Variants in POLR3A observed in about 807,000 individuals in gnomAD.
POLR3A encodes DNA-directed RNA polymerase III subunit RPC1.
In POLR3A, 112 loss-of-function variants were observed where a neutral mutation model predicts 152.8. That is an observed-to-expected ratio of 0.73 (90% CI 0.63 to 0.86). POLR3A has a LOEUF of 0.86. Among genes scored for constraint, POLR3A ranks in the 40% least tolerant of loss-of-function variants. POLR3A has a pLI of 0.00. For missense variants in POLR3A, 1,385 were observed against 1,743.1 expected (o/e 0.79, Z 3.66); for synonymous variants, 615 against 652.1 (o/e 0.94, Z 0.87).
chr10:77,985,807 A>G (rs1330499270), intron 23 of POLR3A, 96 bp downstream of exon 23: 2 of 908,522 alleles, frequency 2.2e-6, no homozygotes, highest in Non-Finnish European at 3.7e-6. Context: ...GCAGTTAACA[A>G]GTGAGCTGGT....
chr10:77,977,708 C>T, intron 30 of POLR3A, 82 bp from the exon 31 acceptor site: 1 of 1,240,248 alleles, frequency 8.1e-7, no homozygotes, highest in Non-Finnish European at 1.2e-6. Context: ...GCTTAAGTGT[C>T]AGAAAATTAG....
At chr10:78,018,000 C>T (rs572835750) in intron 9 of POLR3A, among the ~76,000 whole-genome samples, 5 of 151,728 alleles carry the variant, frequency 3.3e-5, no homozygotes, top group African/African-American at 9.7e-5. Flanking sequence ...ATGGTGAGAC[C>T]TTGTCTCTAC....
rs373777793 is a variant in POLR3A, at chr10:77,985,854, C to T, written c.3071+49G>A. ...TACACATGGGGAAACAGAAGGGATACGTGAGACCTATGTGGATGACCGTCA... is the reference window on the plus strand; with the variant it reads ...TACACATGGGGAAACAGAAGGGATATGTGAGACCTATGTGGATGACCGTCA... On this transcript the variant is annotated intron_variant, in intron 23 of 30. Transcript: ENST00000372371. 58 of 1,350,176 alleles carry T rather than the reference C, an allele frequency of 4.3e-5. No individual in the cohort carries two copies. In the African/African-American group the frequency reaches 5.0e-4, roughly 12 times the overall value. 83.6% of individuals were successfully genotyped at this position (1,350,176 alleles called of 1,614,324 possible). A position where few individuals can be genotyped will look rare whatever the true frequency, so the allele number is the denominator to read the frequency against.
At position 78,007,789 on chromosome 10, in the gene POLR3A, T is replaced by A; in HGVS notation, c.1987A>T (p.Ile663Phe). 6.2e-7 allele frequency: 1 copy of A among 1,613,986 alleles called. No individual in the cohort carries two copies. The highest frequency in any genetic ancestry group is 8.5e-7 in the Non-Finnish European group (1 of 1,179,916). Residue 663 changes from isoleucine (I) to phenylalanine (F), a missense_variant, in exon 15 of 31, where the codon ATT (isoleucine) becomes TTT (phenylalanine). By Grantham distance (21) the Ile-to-Phe change is conservative. Around this residue, in one of 7 missense-constraint regions of POLR3A, gnomAD observed 188 missense variants for 179.9 expected, o/e 1.04. Coordinates refer to ENST00000372371, the MANE Select transcript of POLR3A (RefSeq NM_007055.4). ...GTLGSGSKNN[I>F]FYILLRDWGQ... ...CAGTCTCGCAGCAAAATGTAAAAAA[T>A]ATTGTTCTTGGATCCTGACCCTAGG...
At chr10:77,985,034 C>T (rs1847183966) in intron 24 of POLR3A, 136 bp downstream of exon 24, 7 of 819,456 alleles carry the variant, frequency 8.5e-6, no homozygotes, top group Non-Finnish European at 1.5e-5. Context: ...ATAGGATTAA[C>T]ACAGCAAGCA....
intron 14 of POLR3A, 131 bp downstream of exon 14, chr10:78,009,406 A>C: frequency 7.8e-7 from 1 of 1,287,020 alleles, no homozygotes; most frequent in East Asian, 2.3e-5. Context: ...CCTGAAGAAA[A>C]AACTTTCCAC....
At position 78,002,155 on chromosome 10, in the gene POLR3A, C is replaced by A. The variant is rs377628501; in HGVS notation, c.2359+42G>T. The A allele has an allele frequency of 4.8e-6, 6 of 1,249,210 alleles. No homozygotes were observed. In the East Asian group the frequency reaches 7.5e-5, roughly 16 times the overall value. The allele number at this position is 1,249,210 out of a possible 1,614,324, so 77.4% of individuals were successfully genotyped here. A position where few individuals can be genotyped will look rare whatever the true frequency, so the allele number is the denominator to read the frequency against. On this transcript the variant is annotated intron_variant, in intron 17 of 30. Coordinates refer to ENST00000372371, the MANE Select transcript of POLR3A (RefSeq NM_007055.4). ...ATTTTCTGGAGCCAAACAGCCTGTA[C>A]GGAGAACACACTGCCAGCAGGTGAG... is the stretch of plus-strand genomic sequence containing the variant.
intron 19 of POLR3A, among the ~76,000 whole-genome samples, chr10:77,994,265 A>G (rs759226706): frequency 6.6e-6 from 1 of 152,198 alleles, no homozygotes; most frequent in Non-Finnish European, 1.5e-5. Context: ...AGGAGAGATG[A>G]TGGAAATAGG....
At chr10:77,987,043 G>A (rs1442032959) in intron 21 of POLR3A, among the ~76,000 whole-genome samples, 1 of 152,186 alleles carries the variant, frequency 6.6e-6, no homozygotes, top group Non-Finnish European at 1.5e-5. Context: ...CCTAAAGCCA[G>A]GATCAGCCAG....
intron 14 of POLR3A, 95 bp from the exon 15 acceptor site, chr10:78,007,961 C>T: frequency 1.1e-6 from 1 of 871,798 alleles, no homozygotes; most frequent in South Asian, 1.3e-5. Context: ...TGTTCCCATA[C>T]TGACACTTAA....
intron 5 of POLR3A, among the ~76,000 whole-genome samples, chr10:78,022,978 C>T (rs763389871): frequency 6.6e-5 from 10 of 150,426 alleles, no homozygotes; most frequent in Non-Finnish European, 1.5e-4. Flanking sequence ...ACAAACATGG[C>T]GAAACCTCGT....
At position 78,011,617 on chromosome 10, in the gene POLR3A, C is replaced by G. The variant is rs539097676; in HGVS notation, c.1573-1077G>C. 9.2e-5 allele frequency among the ~76,000 whole-genome samples: 14 copies of G among 152,256 alleles called. No individual in the cohort carries two copies. In the South Asian group the frequency reaches 1.9e-3, roughly 20 times the overall value. On this transcript the variant is annotated intron_variant, in intron 11 of 30. Coordinates refer to ENST00000372371, the MANE Select transcript of POLR3A (RefSeq NM_007055.4). ...AGATGTGCCTCTTCATTGCACACCA[C>G]CTGACTGCTCTTACTCCTGGTTTAG...
chr10:77,991,436 C>A (rs1051765085), intron 20 of POLR3A, among the ~76,000 whole-genome samples: 1 of 152,190 alleles, frequency 6.6e-6, no homozygotes, highest in South Asian at 2.1e-4. Context: ...CACTGCCCCC[C>A]ACCAGATTTA....
At chr10:77,990,934 A>C (rs372211507) in intron 21 of POLR3A, 120 bp downstream of exon 21, 1 of 693,858 alleles carries the variant, frequency 1.4e-6, no homozygotes, top group Admixed American at 2.0e-5. Context: ...CTTTCTAACA[A>C]AGGAACAACC....
rs555192772 is a variant in POLR3A at position 77,996,522 on chromosome 10, T to C, written c.2617-3155A>G. Among the ~76,000 whole-genome samples, 84 of 152,332 alleles carry C rather than the reference T, an allele frequency of 5.5e-4. 2 individuals are homozygous for C. The South Asian group carries it at 0.017, about 31-fold the overall frequency. On this transcript the variant is annotated intron_variant, in intron 19 of 30. Transcript: ENST00000372371. ...AGAAATACAAACTACCATCAGAGAA[T>C]ACTATAAATACCTCTATGCAAATAA...
chr10:77,997,245 C>G (rs889622499), intron 19 of POLR3A, among the ~76,000 whole-genome samples: 18 of 152,142 alleles, frequency 1.2e-4, no homozygotes, highest in African/African-American at 4.1e-4. Flanking sequence ...CCTTTGAAAA[C>G]GGGCACAAGA....
chr10:78,027,094 T>C (rs556484756), intron 1 of POLR3A, among the ~76,000 whole-genome samples: 1 of 152,078 alleles, frequency 6.6e-6, no homozygotes, highest in African/African-American at 2.4e-5. Flanking sequence ...GATGCAGAAG[T>C]GATGTAAGCA....
chr10:78,018,666 T>G (rs572810758), intron 9 of POLR3A, among the ~76,000 whole-genome samples: 2 of 152,288 alleles, frequency 1.3e-5, no homozygotes, highest in African/African-American at 4.8e-5. Flanking sequence ...CACTGCAACC[T>G]CTGCCTCCTG....
rs575311724 is a variant in POLR3A, at chr10:78,010,466, C to T, written c.1642+5G>A. Reference sequence around the variant, plus strand: ...TCTCCTTTCAAGTGAACTTCACCAACCTACCTGTTAGAAAATCCTGAATAG... The same window carrying T: ...TCTCCTTTCAAGTGAACTTCACCAATCTACCTGTTAGAAAATCCTGAATAG... On this transcript the variant is annotated splice_donor_5th_base_variant and intron_variant, in intron 12 of 30. Coordinates refer to ENST00000372371, the MANE Select transcript of POLR3A (RefSeq NM_007055.4). The T allele has an allele frequency of 1.2e-6, 2 of 1,609,128 alleles. No homozygotes were observed. The highest frequency in any genetic ancestry group is 1.7e-4 in the Middle Eastern group (1 of 6,052).
Sources: allele counts gnomAD v4.1 joint callset (sites outside exome capture counted in the v4.1 genomes callset), GRCh38; gene constraint gnomAD v4.1.1; regional missense constraint gnomAD v4.1.1; transcripts MANE v1.5; gene names NCBI Gene and HGNC (gene_info 2026-07-23, HGNC 2026-07-21).